NKAIN2: variants seen among roughly 807,000 people sequenced by gnomAD.
The protein encoded by NKAIN2 is sodium/potassium transporting ATPase interacting 2, also known as sodium/potassium-transporting ATPase subunit beta-1-interacting protein 2.
In NKAIN2, 14 loss-of-function variants were observed where a neutral mutation model predicts 32.6. The ratio of observed to expected loss-of-function variants is 0.43; its 90% CI spans 0.28 to 0.67. The LOEUF (loss-of-function observed/expected upper bound fraction) is 0.67, where lower values mean the gene tolerates loss of function less well. NKAIN2 is among the 30% of genes least tolerant of loss of function. NKAIN2 has a pLI of 0.17. For missense variants in NKAIN2, 198 were observed against 258.3 expected (o/e 0.77, Z 1.60); for synonymous variants, 80 against 87.2 (o/e 0.92, Z 0.46).
chr6:124,815,839 CTTAA>C (rs1379315208), intron 5 of NKAIN2, among the ~76,000 whole-genome samples: 3 of 152,112 alleles, frequency 2.0e-5, no homozygotes, highest in Non-Finnish European at 4.4e-5. Context: ...TTGAGGGGCT[CTTAA>C]TTTTCTTCTT....
intron 3 of NKAIN2, among the ~76,000 whole-genome samples, chr6:124,483,575 C>CA (rs1313117878): frequency 6.6e-6 from 1 of 151,764 alleles, no homozygotes. Flanking sequence ...TCATGACTTG[C>CA]AAAAATGGCA....
At chr6:124,044,278 T>G (rs1475122514) in intron 1 of NKAIN2, among the ~76,000 whole-genome samples, 1 of 152,042 alleles carries the variant, frequency 6.6e-6, no homozygotes, top group Non-Finnish European at 1.5e-5. Context: ...TTTTCCACCC[T>G]AGGCAAAGTT....
Position 124,486,094 on chromosome 6 carries a change from C to A in NKAIN2, c.273+130747C>A, listed in dbSNP as rs140320091. Among the ~76,000 whole-genome samples the A allele has an allele frequency of 2.0e-5, 3 of 152,262 alleles. No homozygotes were observed. The East Asian group carries it at 5.8e-4, about 29-fold the overall frequency. On this transcript the variant is annotated intron_variant, in intron 3 of 6. Transcript: ENST00000368417. The stretch of plus-strand genomic sequence containing the variant: ...CCTATCCAGTTTTCTTCCCTGTCAT[C>A]CTCATTTGTTATAAAGAATATAAAC...
At chr6:124,284,076 T>C (rs1402416099) in intron 2 of NKAIN2, among the ~76,000 whole-genome samples, 1 of 151,752 alleles carries the variant, frequency 6.6e-6, no homozygotes, top group South Asian at 2.1e-4. Flanking sequence ...AGCCAGGCAA[T>C]GTGGTGGTGG....
At chr6:124,013,205 T>A (rs986026414) in intron 1 of NKAIN2, among the ~76,000 whole-genome samples, 1 of 152,226 alleles carries the variant, frequency 6.6e-6, no homozygotes, top group African/African-American at 2.4e-5. Flanking sequence ...TTGAATTTTT[T>A]AAATATACTG....
In NKAIN2 at chr6:123,983,495, T is replaced by C. The variant is rs576138111; in HGVS notation, c.54+179241T>C. ...AGGGAGAGAGCTAGAAAGAGACTTA[T>C]GTTTTTCATCTGTAACCACAACTAT... is the stretch of plus-strand genomic sequence containing the variant. On this transcript the variant is annotated intron_variant, in intron 1 of 6. Coordinates refer to ENST00000368417, the MANE Select transcript of NKAIN2 (RefSeq NM_001040214.3). Among the ~76,000 whole-genome samples the C allele has an allele frequency of 3.9e-5, 6 of 152,338 alleles. No individual in the cohort carries two copies. In the South Asian group the frequency reaches 8.3e-4, roughly 21 times the overall value.
In NKAIN2 at chr6:124,727,335, C is replaced by T. The variant is rs567802578; in HGVS notation, c.475-64004C>T. Among the ~76,000 whole-genome samples, 638 of 152,240 alleles carry T rather than the reference C, an allele frequency of 4.2e-3. 2 individuals carry two copies. The highest frequency in any genetic ancestry group is 7.6e-3 in the Non-Finnish European group (514 of 68,014). On this transcript the variant is annotated intron_variant, in intron 4 of 6. Coordinates refer to ENST00000368417, the MANE Select transcript of NKAIN2 (RefSeq NM_001040214.3). ...AGGTCGGGTTACCCTCAAAGGGAAG[C>T]CCATCAGACTAACAGTGGATCTCTT...
rs546588489 is a variant in NKAIN2, at chr6:124,313,520, G to A, written c.192+30378G>A. 3.9e-5 allele frequency among the ~76,000 whole-genome samples: 6 copies of A among 152,204 alleles called. No individual in the cohort carries two copies. The South Asian group carries it at 1.2e-3, about 32-fold the overall frequency. On this transcript the variant is annotated intron_variant, in intron 2 of 6. Coordinates refer to ENST00000368417, the MANE Select transcript of NKAIN2 (RefSeq NM_001040214.3). ...CTCCCCAGTACAGGTGCCTAGGCTG[G>A]GAATAGGGCATGACCTGCTTTTCTA...
intron 1 of NKAIN2, among the ~76,000 whole-genome samples, chr6:123,900,666 C>G (rs531804182): frequency 7.0e-6 from 1 of 142,740 alleles, no homozygotes; most frequent in Non-Finnish European, 1.5e-5. Flanking sequence ...TTTTGACATA[C>G]AAAAGGAGGC....
chr6:123,889,566 G>A (rs1334331869), intron 1 of NKAIN2, among the ~76,000 whole-genome samples: 1 of 152,132 alleles, frequency 6.6e-6, no homozygotes, highest in Non-Finnish European at 1.5e-5. Flanking sequence ...TTGGGCCAGT[G>A]GGGAAAGAGT....
intron 1 of NKAIN2, among the ~76,000 whole-genome samples, chr6:124,139,079 A>ATTTTTTTTTTTTTTTTTTTT (rs900247440): frequency 2.0e-5 from 2 of 99,470 alleles, no homozygotes; most frequent in South Asian, 3.5e-4. Flanking sequence ...TTAAATAAAA[A>ATTTTTTTTTTTTTTTTTTTT]TTTTTTTTTT....
chr6:124,099,870 T>C (rs1784802770), intron 1 of NKAIN2, among the ~76,000 whole-genome samples: 1 of 152,170 alleles, frequency 6.6e-6, no homozygotes, highest in African/African-American at 2.4e-5. Flanking sequence ...AAAGCCTTTG[T>C]ATGGAGCCTA....
At chr6:124,288,782 TTATTTC>T (rs1795674645) in intron 2 of NKAIN2, among the ~76,000 whole-genome samples, 1 of 152,146 alleles carries the variant, frequency 6.6e-6, no homozygotes. Context: ...ATGGGAGAAT[TTATTTC>T]TATGTAATTG....
intron 1 of NKAIN2, among the ~76,000 whole-genome samples, chr6:124,144,769 A>G (rs1787312142): frequency 6.6e-6 from 1 of 152,166 alleles, no homozygotes; most frequent in Non-Finnish European, 1.5e-5. Context: ...TATGAAATAA[A>G]TATGGATAAA....
chr6:124,113,589 A>T (rs1203991114), intron 1 of NKAIN2, among the ~76,000 whole-genome samples: 2 of 152,102 alleles, frequency 1.3e-5, no homozygotes, highest in African/African-American at 4.8e-5. Flanking sequence ...AAGGCTAGCA[A>T]GGCAAAGGCC....
intron 3 of NKAIN2, among the ~76,000 whole-genome samples, chr6:124,441,104 T>C (rs1775669101): frequency 6.6e-6 from 1 of 152,068 alleles, no homozygotes; most frequent in South Asian, 2.1e-4. Flanking sequence ...AGCTTATGAA[T>C]GGTCAGTATA....
intron 2 of NKAIN2, among the ~76,000 whole-genome samples, chr6:124,343,073 C>T (rs1181781943): frequency 6.9e-6 from 1 of 144,612 alleles, no homozygotes; most frequent in Non-Finnish European, 1.5e-5. Flanking sequence ...TGAGTGAGAA[C>T]ATGCGGTCTT....
intron 2 of NKAIN2, among the ~76,000 whole-genome samples, chr6:124,330,932 G>A (rs1160595002): frequency 1.3e-5 from 2 of 152,042 alleles, no homozygotes; most frequent in Non-Finnish European, 2.9e-5. Context: ...TCTAAGTAAT[G>A]GCTGATGATC....
intron 1 of NKAIN2, among the ~76,000 whole-genome samples, chr6:124,113,099 G>GTA (rs758602326): frequency 2.6e-4 from 40 of 151,818 alleles, no homozygotes; most frequent in Non-Finnish European, 4.9e-4. Flanking sequence ...CTCTCTGTTG[G>GTA]TATCTGCACA....
Sources: gnomAD v4.1 joint callset for allele counts (sites outside exome capture counted in the v4.1 genomes callset) on GRCh38, gnomAD v4.1.1 for gene constraint, MANE v1.5 for transcripts, NCBI Gene and HGNC (gene_info 2026-07-23, HGNC 2026-07-21) for gene names.